SCAPER: variants seen among roughly 807,000 people sequenced by gnomAD.
SCAPER encodes S-phase cyclin A associated protein in the ER, also known as S phase cyclin A-associated protein in the endoplasmic reticulum.
SCAPER carries 98 observed loss-of-function variants against 182.2 expected under a neutral mutation model. The observed-to-expected ratio is 0.54, with a 90% confidence interval of 0.46 to 0.64. The LOEUF is 0.64. Among genes scored for constraint, SCAPER ranks in the 30% least tolerant of loss-of-function variants. The pLI is 0.00. For synonymous variants in SCAPER, 605 were observed against 564.6 expected, an observed-to-expected ratio of 1.07 and a Z score of -1.01; for missense variants, 1,432 against 1,690.0, an observed-to-expected ratio of 0.85 and a Z score of 2.68.
chr15:76,554,357 C>T (rs2046019091), intron 23 of SCAPER, among the ~76,000 whole-genome samples: 1 of 152,152 alleles, frequency 6.6e-6, no homozygotes, highest in South Asian at 2.1e-4. Flanking sequence ...CTACAACTCA[C>T]TGACATCCTT....
intron 25 of SCAPER, among the ~76,000 whole-genome samples, chr15:76,436,018 T>C (rs1007194097): frequency 6.6e-6 from 1 of 152,180 alleles, no homozygotes; most frequent in Non-Finnish European, 1.5e-5. Context: ...TTTCTTGCAT[T>C]ATTTCTTTGC....
chr15:76,632,963 C>T (rs2053254309), intron 21 of SCAPER, among the ~76,000 whole-genome samples: 1 of 150,870 alleles, frequency 6.6e-6, no homozygotes, highest in African/African-American at 2.4e-5. Context: ...TTAATAGAGA[C>T]AGGGTTTCAC....
intron 25 of SCAPER, among the ~76,000 whole-genome samples, chr15:76,464,193 A>G (rs2049413756): frequency 6.6e-6 from 1 of 152,058 alleles, no homozygotes. Context: ...GGTCCCTGGC[A>G]ACCACCATTC....
chr15:76,571,339 G>A (rs1355789996), intron 23 of SCAPER, among the ~76,000 whole-genome samples: 1 of 152,074 alleles, frequency 6.6e-6, no homozygotes, highest in Non-Finnish European at 1.5e-5. Flanking sequence ...AAGTATGTTA[G>A]TAAACAGAAG....
At chr15:76,375,783 A>G (rs1439080091) in intron 29 of SCAPER, among the ~76,000 whole-genome samples, 1 of 152,190 alleles carries the variant, frequency 6.6e-6, no homozygotes. Flanking sequence ...CAGGAGTTCA[A>G]GACCAGCCTG....
At chr15:76,696,797 G>T (rs879574847) in intron 20 of SCAPER, among the ~76,000 whole-genome samples, 1 of 151,966 alleles carries the variant, frequency 6.6e-6, no homozygotes, top group Admixed American at 6.6e-5. Flanking sequence ...ACCCATTTTT[G>T]ACTTTTAAAA....
intron 25 of SCAPER, among the ~76,000 whole-genome samples, chr15:76,466,904 G>A (rs770343798): frequency 4.3e-4 from 65 of 152,074 alleles, no homozygotes; most frequent in East Asian, 1.7e-3. Flanking sequence ...TTGGATTTGC[G>A]TCCCTGCCCA....
At chr15:76,616,020 T>C (rs76462422) in intron 22 of SCAPER, among the ~76,000 whole-genome samples, 4,972 of 151,988 alleles carry the variant, frequency 0.033, 118 homozygotes, top group Non-Finnish European at 0.049. Context: ...GCAGAGCTGG[T>C]GAGAATGTAA....
At chr15:76,460,354 G>A (rs776442270) in intron 25 of SCAPER, among the ~76,000 whole-genome samples, 4 of 151,920 alleles carry the variant, frequency 2.6e-5, no homozygotes, top group South Asian at 4.1e-4. Context: ...TAATTTTTCA[G>A]CTATTTCATC....
intron 23 of SCAPER, among the ~76,000 whole-genome samples, chr15:76,572,041 G>A (rs923124711): frequency 3.9e-5 from 6 of 152,120 alleles, no homozygotes; most frequent in African/African-American, 1.4e-4. Flanking sequence ...GCAAGTTTCT[G>A]ACACAGACCA....
At chr15:76,579,265 C>CAAAA (rs71143342) in intron 22 of SCAPER, among the ~76,000 whole-genome samples, 9,353 of 49,272 alleles carry the variant, frequency 0.19, 2,576 homozygotes, top group East Asian at 0.41. Flanking sequence ...GACTCTGTCT[C>CAAAA]AAAAAAAAAA....
In SCAPER at chr15:76,615,502, C is replaced by G. The variant is rs1330489651; in HGVS notation, c.2711+6262G>C. 5.3e-4 allele frequency among the ~76,000 whole-genome samples: 74 copies of G among 140,794 alleles called. 1 individual carries two copies. Among genetic ancestry groups the G allele is most frequent in the African/African-American group, 1.0e-3 (33 of 32,944 alleles). 92.4% of individuals were successfully genotyped at this position (140,794 alleles called of 152,430 possible). On this transcript the variant is annotated intron_variant, in intron 22 of 31. Coordinates refer to ENST00000563290, the MANE Select transcript of SCAPER (RefSeq NM_020843.4). Reference sequence around the variant, plus strand: ...ATACACACACACACAGACACACACACACACACACACACACACACACACACA... The same window carrying G: ...ATACACACACACACAGACACACACAGACACACACACACACACACACACACA...
chr15:76,434,686 T>C (rs1023149129), intron 25 of SCAPER, among the ~76,000 whole-genome samples: 1 of 152,182 alleles, frequency 6.6e-6, no homozygotes, highest in African/African-American at 2.4e-5. Flanking sequence ...AGAAAATAGA[T>C]AAAATGACAG....
intron 23 of SCAPER, among the ~76,000 whole-genome samples, chr15:76,548,602 AAAAGGGTT>A (rs1367108190): frequency 1.3e-5 from 2 of 152,198 alleles, no homozygotes; most frequent in Non-Finnish European, 2.9e-5. Context: ...GGCAAATGGG[AAAAGGGTT>A]AAAAGATTTA....
At chr15:76,470,742 T>C (rs2050090049) in intron 25 of SCAPER, among the ~76,000 whole-genome samples, 1 of 152,168 alleles carries the variant, frequency 6.6e-6, no homozygotes, top group Admixed American at 6.5e-5. Context: ...TATAACAAGT[T>C]TTCTCCTTTC....
chr15:76,634,027 G>A (rs1046291274), intron 21 of SCAPER, among the ~76,000 whole-genome samples: 11 of 152,176 alleles, frequency 7.2e-5, no homozygotes, highest in Admixed American at 4.6e-4. Context: ...AAAAACTCCC[G>A]TGTCTCAGTG....
intron 14 of SCAPER, among the ~76,000 whole-genome samples, chr15:76,758,770 A>G (rs1598556404): frequency 6.6e-6 from 1 of 152,172 alleles, no homozygotes; most frequent in Non-Finnish European, 1.5e-5. Context: ...TCATAAATTT[A>G]TAATTTTCAC....
At chr15:76,423,674 T>G (rs554447307) in intron 26 of SCAPER, among the ~76,000 whole-genome samples, 12 of 152,312 alleles carry the variant, frequency 7.9e-5, no homozygotes, top group African/African-American at 2.6e-4. Flanking sequence ...TTTGAATGTG[T>G]TTGCTCTTGC....
At chr15:76,763,169 T>C (rs4383105) in intron 14 of SCAPER, among the ~76,000 whole-genome samples, 58,027 of 152,088 alleles carry the variant, frequency 0.38, 13,081 homozygotes, top group Middle Eastern at 0.53. Flanking sequence ...ACTCCCTCAA[T>C]TTTCATGTGT....
Sources: allele counts gnomAD v4.1 joint callset (sites outside exome capture counted in the v4.1 genomes callset), GRCh38; gene constraint gnomAD v4.1.1; transcripts MANE v1.5; gene names NCBI Gene and HGNC (gene_info 2026-07-23, HGNC 2026-07-21).